TPH2: variants seen among roughly 807,000 people sequenced by gnomAD.
TPH2 encodes the protein tryptophan 5-hydroxylase 2.
Under a neutral mutation model 59.1 loss-of-function variants are expected in TPH2, and 27 were observed. That is an observed-to-expected ratio of 0.46 (90% CI 0.34 to 0.63). TPH2 has a LOEUF of 0.63. Among genes scored for constraint, TPH2 ranks in the 30% least tolerant of loss-of-function variants. The pLI is 0.01. For synonymous variants in TPH2, 220 were observed against 210.5 expected (o/e 1.05, Z -0.39); for missense variants, 523 against 588.3 (o/e 0.89, Z 1.15).
chr12:71,952,704 G>A lies in TPH2; in HGVS notation c.608+3049G>A, dbSNP rs143757136. Among the ~76,000 whole-genome samples the A allele has an allele frequency of 3.8e-3, 584 of 152,280 alleles. 7 individuals are homozygous for A. The highest frequency in any genetic ancestry group is 0.013 in the African/African-American group (554 of 41,558). ...GCAGCATTGGACTCCAATAGTCTGG[G>A]CTTGTGTGCACTCCTCTCCTCCAAG... is the stretch of plus-strand genomic sequence containing the variant. On this transcript the variant is annotated intron_variant, in intron 5 of 10. Transcript: ENST00000333850.
chr12:71,986,458 C>A (rs1236970726), intron 7 of TPH2, among the ~76,000 whole-genome samples: 1 of 152,076 alleles, frequency 6.6e-6, no homozygotes, highest in Non-Finnish European at 1.5e-5. Context: ...GTCTAAAGAG[C>A]TTAAGCATTC....
chr12:71,994,432 T>C lies in TPH2; in HGVS notation c.942-7T>C, dbSNP rs376192429. 1.2e-5 allele frequency: 19 copies of C among 1,613,690 alleles called. No homozygotes were observed. In the African/African-American group the frequency reaches 2.5e-4, roughly 22 times the overall value. ...TTAACACGTCTTTGTGATGTCTTTT[T>C]TGTCAGAGACACATGCCATGAACTC... On this transcript the variant is annotated splice_region_variant and splice_polypyrimidine_tract_variant and intron_variant, in intron 7 of 10. Transcript: ENST00000333850.
At chr12:72,013,992 C>A (rs753112646) in intron 8 of TPH2, among the ~76,000 whole-genome samples, 2 of 151,996 alleles carry the variant, frequency 1.3e-5, no homozygotes, top group Non-Finnish European at 2.9e-5. Flanking sequence ...TTGAGAGGCT[C>A]GAAGAGAGTA....
At chr12:71,981,331 G>A (rs1199890118) in intron 7 of TPH2, among the ~76,000 whole-genome samples, 1 of 152,186 alleles carries the variant, frequency 6.6e-6, no homozygotes, top group African/African-American at 2.4e-5. Flanking sequence ...TAGGACATTT[G>A]GACTTAGTTC....
At chr12:71,990,782 A>T (rs1872563834) in intron 7 of TPH2, among the ~76,000 whole-genome samples, 2 of 152,212 alleles carry the variant, frequency 1.3e-5, no homozygotes, top group South Asian at 4.1e-4. Flanking sequence ...TTTGTTCAGG[A>T]ATCTGAAGGG....
At chr12:71,962,085 G>T in intron 5 of TPH2, 1 of 999,164 alleles carries the variant, frequency 1.0e-6, no homozygotes, top group Non-Finnish European at 1.2e-6. Flanking sequence ...CTGAAAATGC[G>T]TTTATGCCTT....
intron 7 of TPH2, among the ~76,000 whole-genome samples, chr12:71,990,975 C>A (rs893961969): frequency 1.3e-5 from 2 of 152,158 alleles, no homozygotes; most frequent in Non-Finnish European, 2.9e-5. Context: ...ACTTACTCTG[C>A]TGTATTGTAT....
At chr12:71,954,835 T>C (rs1272267674) in intron 5 of TPH2, among the ~76,000 whole-genome samples, 1 of 6,088 alleles carries the variant, frequency 1.6e-4, no homozygotes, top group Non-Finnish European at 6.1e-4. Context: ...CATATTTAAT[T>C]TTTTTTTTCG....
chr12:71,969,127 C>T (rs1162810445), intron 5 of TPH2, among the ~76,000 whole-genome samples: 1 of 151,974 alleles, frequency 6.6e-6, no homozygotes, highest in Non-Finnish European at 1.5e-5. Flanking sequence ...ACTAAAAATA[C>T]AAAAAATTAG....
intron 7 of TPH2, among the ~76,000 whole-genome samples, chr12:71,982,194 G>A (rs559198185): frequency 3.0e-4 from 46 of 151,256 alleles, no homozygotes; most frequent in African/African-American, 1.0e-3. Flanking sequence ...TAGTAGAGAC[G>A]GGGTTTTGCT....
chr12:71,994,653 G>C, intron 8 of TPH2, 88 bp downstream of exon 8: 1 of 1,523,290 alleles, frequency 6.6e-7, no homozygotes, highest in Non-Finnish European at 9.0e-7. Flanking sequence ...ATGAGTTATA[G>C]GTAAATGTTC....
chr12:72,016,800 GCCAATAT>G (rs1226163436), intron 8 of TPH2, among the ~76,000 whole-genome samples: 2 of 152,148 alleles, frequency 1.3e-5, no homozygotes, highest in Non-Finnish European at 2.9e-5. Context: ...ATGTGTGTAA[GCCAATAT>G]CCTGGAGGAA....
intron 7 of TPH2, among the ~76,000 whole-genome samples, chr12:71,983,021 A>G (rs1872328412): frequency 6.6e-6 from 1 of 152,066 alleles, no homozygotes; most frequent in Non-Finnish European, 1.5e-5. Context: ...TTCACACAAT[A>G]TATTCCTGTA....
chr12:72,025,510 AT>A (rs1405092787), intron 9 of TPH2, among the ~76,000 whole-genome samples: 4 of 152,064 alleles, frequency 2.6e-5, no homozygotes, highest in Non-Finnish European at 4.4e-5. Flanking sequence ...TTTTCCTCTT[AT>A]TTTTTGACAA....
At chr12:72,025,684 A>G (rs1318925538) in intron 9 of TPH2, among the ~76,000 whole-genome samples, 1 of 152,170 alleles carries the variant, frequency 6.6e-6, no homozygotes. Flanking sequence ...AATGCCAAAA[A>G]GTGCATTTGG....
chr12:71,993,757 C>G (rs1872632082), intron 7 of TPH2, among the ~76,000 whole-genome samples: 1 of 152,188 alleles, frequency 6.6e-6, no homozygotes, highest in Non-Finnish European at 1.5e-5. Context: ...TCTGCCATTA[C>G]CCATTGCCTG....
intron 9 of TPH2, 52 bp from the exon 10 acceptor site, chr12:72,031,206 G>A (rs1462497402): frequency 1.9e-6 from 3 of 1,611,354 alleles, no homozygotes; most frequent in African/African-American, 2.7e-5. Flanking sequence ...ATGTCATGGA[G>A]CTTCGGAAGT....
chr12:71,942,936 G>T lies in TPH2; in HGVS notation c.255+1203G>T, dbSNP rs80296463. Reference sequence around the variant, plus strand: ...GCTGGGTGCAGTGGATAAATTCCTGGAGAAGGAGTTAGCAGCCCTGAGTTT... The same window carrying T: ...GCTGGGTGCAGTGGATAAATTCCTGTAGAAGGAGTTAGCAGCCCTGAGTTT... On this transcript the variant is annotated intron_variant, in intron 2 of 10. Coordinates refer to ENST00000333850, the MANE Select transcript of TPH2 (RefSeq NM_173353.4). Among the ~76,000 whole-genome samples the T allele has an allele frequency of 4.5e-3, 683 of 152,216 alleles. 6 individuals carry two copies. The highest frequency in any genetic ancestry group is 0.015 in the African/African-American group (641 of 41,532).
chr12:72,003,843 T>C (rs1872883982), intron 8 of TPH2, among the ~76,000 whole-genome samples: 1 of 152,212 alleles, frequency 6.6e-6, no homozygotes. Context: ...GCAACTCAAA[T>C]CTTTCTTTGT....
Sources: allele counts gnomAD v4.1 joint callset (sites outside exome capture counted in the v4.1 genomes callset), GRCh38; gene constraint gnomAD v4.1.1; transcripts MANE v1.5; gene names NCBI Gene and HGNC (gene_info 2026-07-23, HGNC 2026-07-21).